The following ADK variants were observed in gnomAD, a reference collection of about 807,000 sequenced individuals.
ADK encodes the protein N6,N6-dimethyladenosine kinase.
ADK carries 24 observed loss-of-function variants against 44.7 expected under a neutral mutation model. The ratio of observed to expected loss-of-function variants is 0.54; its 90% confidence interval spans 0.39 to 0.76. ADK has a LOEUF of 0.76. ADK is among the 30% of genes least tolerant of loss of function. The pLI is 0.00. For missense variants in ADK, 321 were observed against 425.1 expected (o/e 0.76, Z 2.15); for synonymous variants, 128 against 142.6 (o/e 0.90, Z 0.73).
intron 4 of ADK, among the ~76,000 whole-genome samples, chr10:74,347,337 A>G (rs1592079860): frequency 6.6e-6 from 1 of 151,140 alleles, no homozygotes; most frequent in African/African-American, 2.4e-5. Context: ...GAGCTGGGGG[A>G]CCTCCTTCCC....
At chr10:74,285,080 G>A (rs932910730) in intron 3 of ADK, among the ~76,000 whole-genome samples, 16 of 152,134 alleles carry the variant, frequency 1.1e-4, no homozygotes, top group African/African-American at 3.6e-4. Context: ...GATATTATTA[G>A]CCACTGTACA....
intron 7 of ADK, among the ~76,000 whole-genome samples, chr10:74,583,947 A>G (rs1851450518): frequency 6.6e-6 from 1 of 152,180 alleles, no homozygotes; most frequent in South Asian, 2.1e-4. Flanking sequence ...GCACCACTCC[A>G]TAGTCCTCAC....
chr10:74,264,566 G>A (rs1846150104), intron 3 of ADK, among the ~76,000 whole-genome samples: 1 of 151,988 alleles, frequency 6.6e-6, no homozygotes, highest in Non-Finnish European at 1.5e-5. Flanking sequence ...CCATATATCT[G>A]TGCCTAGTAT....
At chr10:74,246,270 C>G (rs1845412252) in intron 3 of ADK, among the ~76,000 whole-genome samples, 2 of 152,224 alleles carry the variant, frequency 1.3e-5, no homozygotes, top group African/African-American at 4.8e-5. Context: ...CCATGCCATA[C>G]TGATTGAATG....
At chr10:74,695,494 G>GTA in intron 10 of ADK, among the ~76,000 whole-genome samples, 1 of 151,010 alleles carries the variant, frequency 6.6e-6, no homozygotes, top group South Asian at 2.1e-4. Context: ...GTGTGTGTGT[G>GTA]TGTATGTGTG....
At chr10:74,443,075 T>A (rs1221305344) in intron 6 of ADK, among the ~76,000 whole-genome samples, 1 of 152,152 alleles carries the variant, frequency 6.6e-6, no homozygotes, top group Non-Finnish European at 1.5e-5. Context: ...GATGAATACG[T>A]TCTGGAGACC....
intron 3 of ADK, 70 bp from the exon 4 acceptor site, chr10:74,314,597 C>A: frequency 1.0e-6 from 1 of 967,484 alleles, no homozygotes; most frequent in Non-Finnish European, 1.7e-6. Context: ...TACTCTTCTG[C>A]TCAGAAAAGT....
chr10:74,327,019 A>G (rs1002937311), intron 4 of ADK, among the ~76,000 whole-genome samples: 12 of 151,570 alleles, frequency 7.9e-5, no homozygotes, highest in Admixed American at 5.3e-4. Context: ...TATGTTTTTT[A>G]GGTCTCTATT....
chr10:74,652,722 T>G lies in ADK; in HGVS notation c.878-17461T>G, dbSNP rs561530998. Among the ~76,000 whole-genome samples, 18 of 150,878 alleles carry G rather than the reference T, an allele frequency of 1.2e-4. No homozygotes were observed. In the South Asian group the frequency reaches 3.6e-3, roughly 30 times the overall value. Reference sequence around the variant, plus strand: ...TTGCAGTGAACTGAGATCGCACCACTGCACTCCAGCCTGGGCGATACGGCG... The same window carrying G: ...TTGCAGTGAACTGAGATCGCACCACGGCACTCCAGCCTGGGCGATACGGCG... On this transcript the variant is annotated intron_variant, in intron 9 of 10. Coordinates refer to ENST00000539909, the MANE Select transcript of ADK (RefSeq NM_006721.4).
At chr10:74,158,081 A>G (rs1841803134) in intron 1 of ADK, among the ~76,000 whole-genome samples, 1 of 152,142 alleles carries the variant, frequency 6.6e-6, no homozygotes, top group Admixed American at 6.5e-5. Context: ...AACTTCAGAG[A>G]TTTTCTTGCT....
intron 6 of ADK, among the ~76,000 whole-genome samples, chr10:74,489,446 C>T (rs1463194084): frequency 4.0e-5 from 6 of 151,818 alleles, no homozygotes; most frequent in African/African-American, 1.4e-4. Flanking sequence ...AACAAGGATA[C>T]AGATGCATGT....
chr10:74,635,160 T>A (rs1032392456), intron 9 of ADK, among the ~76,000 whole-genome samples: 6 of 152,150 alleles, frequency 3.9e-5, no homozygotes, highest in Non-Finnish European at 5.9e-5. Context: ...ACAGGCAGAA[T>A]AAATACAAAG....
intron 3 of ADK, among the ~76,000 whole-genome samples, chr10:74,308,144 C>T (rs1840318004): frequency 6.6e-6 from 1 of 152,052 alleles, no homozygotes; most frequent in African/African-American, 2.4e-5. Flanking sequence ...AAATGCTTTT[C>T]AGCAGTATAT....
At chr10:74,600,574 A>G in intron 9 of ADK, 81 bp downstream of exon 9, 1 of 719,244 alleles carries the variant, frequency 1.4e-6, no homozygotes, top group Non-Finnish European at 2.4e-6. Context: ...TCTTTCTATT[A>G]TAATATATAC....
intron 6 of ADK, among the ~76,000 whole-genome samples, chr10:74,463,801 C>CT (rs1393777101): frequency 2.0e-5 from 3 of 151,788 alleles, no homozygotes; most frequent in African/African-American, 4.8e-5. Context: ...GGTATCTTGT[C>CT]TTTTTTTTAC....
chr10:74,641,202 A>G (rs1021928258), intron 9 of ADK, among the ~76,000 whole-genome samples: 4 of 152,150 alleles, frequency 2.6e-5, no homozygotes, highest in African/African-American at 7.2e-5. Context: ...TAGGCTGTGG[A>G]CCCTTTACTA....
At chr10:74,404,983 T>C (rs1843861520) in intron 6 of ADK, among the ~76,000 whole-genome samples, 1 of 151,660 alleles carries the variant, frequency 6.6e-6, no homozygotes, top group African/African-American at 2.4e-5. Flanking sequence ...GCAGCCATTA[T>C]ACATCTTCAA....
intron 10 of ADK, among the ~76,000 whole-genome samples, chr10:74,691,981 C>T (rs1050619578): frequency 6.6e-6 from 1 of 152,180 alleles, no homozygotes; most frequent in Non-Finnish European, 1.5e-5. Flanking sequence ...CAAAACTAAA[C>T]ATACTTTTAC....
At chr10:74,243,873 CATAA>C (rs904474232) in intron 3 of ADK, among the ~76,000 whole-genome samples, 6 of 152,198 alleles carry the variant, frequency 3.9e-5, no homozygotes, top group East Asian at 3.9e-4. Context: ...TTTTTTTAAA[CATAA>C]ATAAAGACCA....
Sources: allele counts gnomAD v4.1 joint callset (sites outside exome capture counted in the v4.1 genomes callset), GRCh38; gene constraint gnomAD v4.1.1; transcripts MANE v1.5; gene names NCBI Gene and HGNC (gene_info 2026-07-23, HGNC 2026-07-21).